Variants in SORCS2 observed in about 807,000 individuals in gnomAD.
The protein encoded by SORCS2 is sortilin related VPS10 domain containing receptor 2.
In SORCS2, 100 loss-of-function variants were observed where a neutral mutation model predicts 141.6. The observed-to-expected ratio is 0.71, with a 90% confidence interval of 0.60 to 0.83. SORCS2 has a LOEUF of 0.83. SORCS2 is among the 40% of genes least tolerant of loss of function. SORCS2 has a pLI of 0.00. For missense variants in SORCS2, 1,646 were observed against 1,560.2 expected, an observed-to-expected ratio of 1.05 and a Z score of -0.93; for synonymous variants, 789 against 676.9, an observed-to-expected ratio of 1.17 and a Z score of -2.57.
intron 18 of SORCS2, among the ~76,000 whole-genome samples, chr4:7,718,848 G>A (rs559591988): frequency 2.0e-4 from 30 of 152,194 alleles, no homozygotes; most frequent in Non-Finnish European, 5.9e-5. Context: ...CCAGTCCTCC[G>A]TGGTAACAAC....
intron 1 of SORCS2, among the ~76,000 whole-genome samples, chr4:7,200,258 A>C (rs1450658911): frequency 6.6e-6 from 1 of 152,146 alleles, no homozygotes; most frequent in Non-Finnish European, 1.5e-5. Context: ...AGCCGGACCC[A>C]GGGGTGCACT....
At position 7,433,630 on chromosome 4, in the gene SORCS2, C is replaced by T. The variant is rs747716104; in HGVS notation, c.548+37275C>T. The T allele has an allele frequency of 1.9e-5, 30 of 1,610,688 alleles. No individual in the cohort carries two copies. In the Admixed American group the frequency reaches 2.2e-4, roughly 12 times the overall value. ...ACCCTTGAAGGCCACCAGGATGTCT[C>T]GCTTGGTGCTCTTGCTCTCCAAGTT... On this transcript the variant is annotated intron_variant, in intron 2 of 26. Transcript: ENST00000507866.
At chr4:7,211,002 C>T (rs1412354053) in intron 1 of SORCS2, among the ~76,000 whole-genome samples, 1 of 152,238 alleles carries the variant, frequency 6.6e-6, no homozygotes, top group African/African-American at 2.4e-5. Context: ...CCAGGCTCCA[C>T]TGCTCCTTGG....
chr4:7,335,235 C>G, intron 1 of SORCS2, among the ~76,000 whole-genome samples: 1 of 152,188 alleles, frequency 6.6e-6, no homozygotes, highest in East Asian at 1.9e-4. Flanking sequence ...CTGTTCAATT[C>G]CAACCACAGG....
At chr4:7,302,373 G>A (rs986534282) in intron 1 of SORCS2, among the ~76,000 whole-genome samples, 12 of 152,294 alleles carry the variant, frequency 7.9e-5, no homozygotes, top group Admixed American at 5.2e-4. Context: ...GGTCACGACC[G>A]GATCCTCCAT....
At chr4:7,461,551 C>T (rs28631017) in intron 2 of SORCS2, among the ~76,000 whole-genome samples, 7,370 of 152,318 alleles carry the variant, frequency 0.048, 630 homozygotes, top group African/African-American at 0.17. Flanking sequence ...AAAATCACAT[C>T]CCACACAGAA....
chr4:7,382,783 G>A (rs1364740545), intron 1 of SORCS2, among the ~76,000 whole-genome samples: 2 of 152,106 alleles, frequency 1.3e-5, no homozygotes, highest in African/African-American at 2.4e-5. Flanking sequence ...CCCAGGGAGA[G>A]AAGAAGGGGC....
At chr4:7,602,640 T>C (rs1396509746) in intron 3 of SORCS2, among the ~76,000 whole-genome samples, 1 of 145,262 alleles carries the variant, frequency 6.9e-6, no homozygotes, top group Non-Finnish European at 1.5e-5. Context: ...CTTGACGGGA[T>C]GACTGCCGGG....
In SORCS2 at chr4:7,580,447, G is replaced by A. The variant is rs114657806; in HGVS notation, c.648+48818G>A. Among the ~76,000 whole-genome samples the A allele has an allele frequency of 9.5e-3, 1,441 of 151,760 alleles. 27 individuals carry two copies. Among genetic ancestry groups the A allele is most frequent in the African/African-American group, 0.033 (1,349 of 41,328 alleles). On this transcript the variant is annotated intron_variant, in intron 3 of 26. Coordinates refer to ENST00000507866, the MANE Select transcript of SORCS2 (RefSeq NM_020777.3). ...GGCGGTTGCAAAGAGCAGAGATCAT[G>A]CCACCACACTCCAGCCTATGTGACA...
At position 7,515,984 on chromosome 4, in the gene SORCS2, G is replaced by A. The variant is rs150290908; in HGVS notation, c.549-15546G>A. Reference sequence around the variant, plus strand: ...GCCCAGAAGTCTCAAGGGTGCTCTCGGCTCTCGCAGCAGGGTTTAGGGGCT... The same window carrying A: ...GCCCAGAAGTCTCAAGGGTGCTCTCAGCTCTCGCAGCAGGGTTTAGGGGCT... On this transcript the variant is annotated intron_variant, in intron 2 of 26. Transcript: ENST00000507866. 2.7e-3 allele frequency among the ~76,000 whole-genome samples: 418 copies of A among 152,282 alleles called. 4 individuals carry two copies. The highest frequency in any genetic ancestry group is 4.4e-3 in the Non-Finnish European group (299 of 68,020).
At chr4:7,651,055 G>C (rs997256143) in intron 4 of SORCS2, among the ~76,000 whole-genome samples, 52 of 152,100 alleles carry the variant, frequency 3.4e-4, no homozygotes, top group African/African-American at 1.2e-3. Context: ...GGGGACATCA[G>C]TTATAGAATC....
At position 7,682,855 on chromosome 4, in the gene SORCS2, T is replaced by C; in HGVS notation, c.1454T>C (p.Met485Thr). ...RDWDYLRPPS[M>T]DMNGKPTNCK... is the part of the protein sequence containing the mutation. ...TGGGATTACCTGAGGCCACCCAGCA[T>C]GGACATGAATGGAAAACCAACCAAC... Residue 485 changes from methionine (M) to threonine (T), a missense_variant, in exon 10 of 27, where the codon ATG becomes ACG. Met to Thr is a moderately conservative substitution (Grantham distance 81, BLOSUM62 -1). Transcript: ENST00000507866. 2 of 1,613,498 alleles carry C rather than the reference T, an allele frequency of 1.2e-6. No homozygotes were observed. The highest frequency in any genetic ancestry group is 1.7e-6 in the Non-Finnish European group (2 of 1,179,706).
At chr4:7,280,853 C>G (rs982931090) in intron 1 of SORCS2, among the ~76,000 whole-genome samples, 1 of 152,186 alleles carries the variant, frequency 6.6e-6, no homozygotes, top group Non-Finnish European at 1.5e-5. Context: ...GTACAGTGCT[C>G]AGTCAGCACC....
intron 1 of SORCS2, among the ~76,000 whole-genome samples, chr4:7,330,239 G>C (rs1011228353): frequency 6.6e-6 from 1 of 151,964 alleles, no homozygotes; most frequent in Non-Finnish European, 1.5e-5. Flanking sequence ...TCCCCATCCC[G>C]AGAGCCTTCA....
intron 2 of SORCS2, among the ~76,000 whole-genome samples, chr4:7,402,640 GA>G (rs1443519817): frequency 2.0e-5 from 3 of 152,156 alleles, no homozygotes; most frequent in African/African-American, 7.2e-5. Context: ...CAGATGCTTG[GA>G]TAGGGTGGAA....
In SORCS2 at chr4:7,729,651, A is replaced by T; in HGVS notation, c.3047A>T (p.Asp1016Val). The change falls in exon 23 of 27, where the codon GAT (aspartate) becomes GTT (valine). Residue 1016 changes from aspartate (D) to valine (V), a missense_variant. By Grantham distance (152) the Asp-to-Val change is radical. Coordinates refer to ENST00000507866, the MANE Select transcript of SORCS2 (RefSeq NM_020777.3). The stretch of plus-strand genomic sequence containing the variant: ...AAGCCGGGGCTGCCCACTTTGGCCG[A>T]TCTGTACGTGCTCCTGCCCCCTCCC... The part of the protein sequence containing the change: ...VVKPGLPTLA[D>V]LYVLLPPPRP... 1 of 1,604,802 alleles carries T rather than the reference A, an allele frequency of 6.2e-7. No homozygotes were observed. The highest frequency in any genetic ancestry group is 8.5e-7 in the Non-Finnish European group (1 of 1,175,946).
intron 2 of SORCS2, among the ~76,000 whole-genome samples, chr4:7,484,110 A>G (rs180697690): frequency 3.9e-5 from 6 of 152,286 alleles, no homozygotes; most frequent in East Asian, 3.9e-4. Flanking sequence ...ACACAGTGCA[A>G]TAAGTATCAA....
chr4:7,214,685 G>A (rs1343769029), intron 1 of SORCS2, among the ~76,000 whole-genome samples: 1 of 152,212 alleles, frequency 6.6e-6, no homozygotes, highest in Non-Finnish European at 1.5e-5. Context: ...CTCCAGTGAT[G>A]GGAGGCTCAC....
intron 2 of SORCS2, among the ~76,000 whole-genome samples, chr4:7,439,542 A>T (rs528546997): frequency 1.3e-5 from 2 of 152,340 alleles, no homozygotes; most frequent in South Asian, 4.1e-4. Flanking sequence ...AAGGGGCAGA[A>T]TGGTCCTGAG....
Sources: allele counts gnomAD v4.1 joint callset (sites outside exome capture counted in the v4.1 genomes callset), GRCh38; gene constraint gnomAD v4.1.1; transcripts MANE v1.5; gene names NCBI Gene and HGNC (gene_info 2026-07-23, HGNC 2026-07-21).